Variants in CMTM4 observed in about 807,000 individuals in gnomAD.
CMTM4 encodes CKLF-like MARVEL transmembrane domain-containing protein 4.
Under a neutral mutation model 19.0 loss-of-function variants are expected in CMTM4, and 8 were observed. The observed-to-expected ratio is 0.42, with a 90% CI of 0.25 to 0.76. The LOEUF (loss-of-function observed/expected upper bound fraction) is 0.76, where lower values mean the gene tolerates loss of function less well. Among genes scored for constraint, CMTM4 ranks in the 30% least tolerant of loss-of-function variants. CMTM4 has a pLI of 0.27. For synonymous variants in CMTM4, 106 were observed against 121.1 expected (o/e 0.88, Z 0.82); for missense variants, 228 against 290.2 (o/e 0.79, Z 1.56).
chr16:66,696,271 C>A lies in CMTM4; in HGVS notation c.186+69G>T, dbSNP rs1333139659. 1.2e-5 allele frequency: 14 copies of A among 1,143,800 alleles called. No homozygotes were observed. The highest frequency in any genetic ancestry group is 1.6e-5 in the Non-Finnish European group (14 of 899,976). 70.9% of individuals were successfully genotyped at this position (1,143,800 alleles called of 1,614,324 possible). ...AAGCGGGTACGCGGCGGAGGCCCCG[C>A]AGCGGGGCGGGGAGGGAGGCGTGCG... On this transcript the variant is annotated intron_variant, in intron 1 of 3. Coordinates refer to ENST00000394106, the MANE Select transcript of CMTM4 (RefSeq NM_181521.3). The surrounding 1 kb of genome is among the most constrained non-coding windows in gnomAD (Gnocchi z 4.3).
intron 2 of CMTM4, among the ~76,000 whole-genome samples, chr16:66,628,442 G>GTGCCGCAC: frequency 6.6e-6 from 1 of 152,302 alleles, no homozygotes; most frequent in South Asian, 2.1e-4. Context: ...GCAGTGCGTT[G>GTGCCGCAC]TGCCCCTGGT....
At chr16:66,692,076 G>C (rs1005084393) in intron 1 of CMTM4, among the ~76,000 whole-genome samples, 8 of 151,908 alleles carry the variant, frequency 5.3e-5, no homozygotes, top group African/African-American at 1.9e-4. Flanking sequence ...CTGGTTGCTA[G>C]CACCTGTGTG....
chr16:66,602,793 T>C, the CMTM4 span, among the ~76,000 whole-genome samples: 5 of 152,080 alleles, frequency 3.3e-5, no homozygotes, highest in African/African-American at 1.2e-4. Context: ...GTGATCTGCC[T>C]GCCTCAGCCT....
intron 1 of CMTM4, among the ~76,000 whole-genome samples, chr16:66,660,400 A>C (rs1312165539): frequency 1.3e-5 from 2 of 151,900 alleles, no homozygotes; most frequent in Non-Finnish European, 2.9e-5. Flanking sequence ...AAAAAAAAAA[A>C]AAAAAACAAA....
chr16:66,638,211 G>T (rs1330826574), intron 1 of CMTM4, among the ~76,000 whole-genome samples: 2 of 152,120 alleles, frequency 1.3e-5, no homozygotes, highest in Non-Finnish European at 2.9e-5. Flanking sequence ...AGCTTTTAGG[G>T]GGCAGGGTAG....
At chr16:66,671,551 C>T (rs548547841) in intron 1 of CMTM4, among the ~76,000 whole-genome samples, 1 of 152,304 alleles carries the variant, frequency 6.6e-6, no homozygotes, top group South Asian at 2.1e-4. Context: ...CATCCCTTAT[C>T]TTCTCCTCCT....
intron 1 of CMTM4, among the ~76,000 whole-genome samples, chr16:66,683,142 T>TAC (rs2016951274): frequency 7.6e-6 from 1 of 131,672 alleles, no homozygotes; most frequent in African/African-American, 2.8e-5. Context: ...TATATATATA[T>TAC]ATATGTATAT....
intron 2 of CMTM4, among the ~76,000 whole-genome samples, chr16:66,630,986 T>A (rs1338406891): frequency 1.4e-5 from 2 of 145,962 alleles, no homozygotes; most frequent in Admixed American, 6.8e-5. Context: ...TCTGCCCAGC[T>A]GCCCCGTCTG....
At chr16:66,613,190 G>T, downstream of CMTM4, 1 of 698,296 alleles carries the variant, frequency 1.4e-6, no homozygotes, top group Non-Finnish European at 2.6e-6. Context: ...GGGAGAAATT[G>T]ACCTTTGCCT....
chr16:66,672,788 G>GT (rs538470627), intron 1 of CMTM4, among the ~76,000 whole-genome samples: 264 of 115,618 alleles, frequency 2.3e-3, no homozygotes, highest in African/African-American at 4.7e-3. Context: ...TTTTTGTTTT[G>GT]TTTTTTTTTT....
At chr16:66,638,938 T>G (rs1182128975) in intron 1 of CMTM4, among the ~76,000 whole-genome samples, 2 of 147,094 alleles carry the variant, frequency 1.4e-5, no homozygotes, top group South Asian at 2.1e-4. Flanking sequence ...AAAACAAAGG[T>G]AAGTATGTGA....
the CMTM4 span, chr16:66,608,528 A>G: frequency 2.6e-6 from 4 of 1,545,534 alleles, no homozygotes; most frequent in Non-Finnish European, 3.5e-6. This position sits in a 1 kb window ranked among gnomAD's most constrained non-coding sequence, Gnocchi z 5.1. Flanking sequence ...AGGAGTCCAG[A>G]GTCGTGCACT....
intron 1 of CMTM4, among the ~76,000 whole-genome samples, chr16:66,674,433 T>G (rs1026367902): frequency 3.2e-4 from 48 of 152,084 alleles, no homozygotes; most frequent in African/African-American, 1.1e-3. Flanking sequence ...GGCCCCTCGG[T>G]GCACACACCC....
intron 1 of CMTM4, among the ~76,000 whole-genome samples, chr16:66,658,642 C>T (rs929982853): frequency 1.1e-4 from 17 of 152,204 alleles, no homozygotes; most frequent in Admixed American, 8.5e-4. Flanking sequence ...CATCTCAGAC[C>T]GGATCACTTT....
intron 1 of CMTM4, among the ~76,000 whole-genome samples, chr16:66,690,759 C>T (rs2017119627): frequency 6.6e-6 from 1 of 152,082 alleles, no homozygotes; most frequent in Non-Finnish European, 1.5e-5. Context: ...ACTGAGGAAC[C>T]CAGATTCGAT....
intron 2 of CMTM4, among the ~76,000 whole-genome samples, chr16:66,626,019 C>T (rs940345163): frequency 3.3e-5 from 5 of 152,166 alleles, no homozygotes; most frequent in Non-Finnish European, 4.4e-5. Flanking sequence ...GACTAGGTCA[C>T]AGAGAAAATG....
intron 1 of CMTM4, among the ~76,000 whole-genome samples, chr16:66,683,199 A>ATATATACATG (rs2016970117): frequency 1.6e-5 from 2 of 126,290 alleles, no homozygotes; most frequent in African/African-American, 6.3e-5. Flanking sequence ...ATATACATAT[A>ATATATACATG]TATATATATA....
chr16:66,629,783 A>T (rs1278969344), intron 2 of CMTM4, among the ~76,000 whole-genome samples: 2 of 152,158 alleles, frequency 1.3e-5, no homozygotes, highest in Non-Finnish European at 2.9e-5. Context: ...CCAAATGGCC[A>T]ATCAGTCATG....
At chr16:66,686,755 T>A (rs533546612) in intron 1 of CMTM4, among the ~76,000 whole-genome samples, 15 of 152,122 alleles carry the variant, frequency 9.9e-5, no homozygotes, top group Middle Eastern at 6.8e-3. Context: ...ATTTTTTTTT[T>A]AAATGTTCAG....
Sources: gnomAD v4.1 joint callset for allele counts (sites outside exome capture counted in the v4.1 genomes callset) on GRCh38, gnomAD v4.1.1 for gene constraint, Gnocchi (gnomAD v3.1) non-coding constraint, MANE v1.5 for transcripts, NCBI Gene and HGNC (gene_info 2026-07-23, HGNC 2026-07-21) for gene names.